The following AFF2 variants were observed in gnomAD, a reference collection of about 807,000 sequenced individuals.
The protein encoded by AFF2 is ALF transcription elongation factor 2, also known as AF4/FMR2 family member 2.
A neutral mutation model predicts 76.9 loss-of-function variants in AFF2; 14 were observed. That is an observed-to-expected ratio of 0.18 (90% confidence interval 0.12 to 0.28). The LOEUF is 0.28. AFF2 is among the 10% of genes least tolerant of loss of function. The probability of loss-of-function intolerance (pLI) is 1.00; values close to 1 mark genes in which losing one functional copy is unlikely to be tolerated. For synonymous variants in AFF2, 398 were observed against 366.7 expected (o/e 1.09, Z -0.98); for missense variants, 868 against 1,001.1 (o/e 0.87, Z 1.79).
chrX:148,805,250 C>G (rs1383860729), intron 3 of AFF2, among the ~76,000 whole-genome samples: 1 of 111,157 alleles, frequency 9.0e-6, no homozygotes, highest in Non-Finnish European at 1.9e-5. Flanking sequence ...TGCAATTAAA[C>G]TTTTGATTTT....
intron 4 of AFF2, among the ~76,000 whole-genome samples, chrX:148,832,447 C>T (rs1304689074): frequency 8.9e-6 from 1 of 112,176 alleles, no homozygotes; most frequent in East Asian, 2.8e-4. Context: ...TTATTACGTT[C>T]TTGGTATTTT....
intron 2 of AFF2, 25 bp downstream of exon 2, chrX:148,652,156 A>G: frequency 8.7e-7 from 1 of 1,143,273 alleles, no homozygotes; most frequent in Non-Finnish European, 1.2e-6. Context: ...TTTCTGGAAA[A>G]TGGTTGCTTG....
intron 3 of AFF2, among the ~76,000 whole-genome samples, chrX:148,667,154 T>G (rs1557258567): frequency 8.9e-6 from 1 of 112,237 alleles, no homozygotes; most frequent in Non-Finnish European, 1.9e-5. Context: ...TTAATAGAAA[T>G]GGTGTGGGAT....
At chrX:148,944,442 G>A (rs1272358070) in intron 9 of AFF2, among the ~76,000 whole-genome samples, 2 of 111,573 alleles carry the variant, frequency 1.8e-5, no homozygotes, top group Non-Finnish European at 3.8e-5. Flanking sequence ...AGAGGCCAGA[G>A]CTCACGGGAG....
intron 19 of AFF2, among the ~76,000 whole-genome samples, chrX:148,987,109 C>A (rs782059649): frequency 9.0e-6 from 1 of 110,741 alleles, no homozygotes; most frequent in African/African-American, 3.3e-5. Flanking sequence ...ATCTCTGTAT[C>A]CACTAGAGCC....
intron 3 of AFF2, among the ~76,000 whole-genome samples, chrX:148,742,895 T>C (rs1274922413): frequency 8.9e-6 from 1 of 111,951 alleles, no homozygotes; most frequent in Non-Finnish European, 1.9e-5. Context: ...TCAGAAATTT[T>C]ATTTGGGTTT....
chrX:148,950,648 G>A (rs904791605), intron 9 of AFF2, among the ~76,000 whole-genome samples: 1 of 111,877 alleles, frequency 8.9e-6, no homozygotes, highest in Admixed American at 9.5e-5. Flanking sequence ...AATTGACTGT[G>A]TTGGAGTCCC....
At chrX:148,981,983 GAGAA>G (rs782175072) in intron 19 of AFF2, among the ~76,000 whole-genome samples, 1 of 111,931 alleles carries the variant, frequency 8.9e-6, no homozygotes, top group African/African-American at 3.2e-5. Flanking sequence ...ACGAACAAAA[GAGAA>G]AGAGTGCTTC....
Position 148,581,263 on chromosome X carries a change from T to TATACACACATATAC in AFF2, c.48-70736_48-70735insATACACACATATAC, listed in dbSNP as rs2053380565. Reference sequence around the variant, plus strand: ...ACGTGTACACACATATACGTATACGTGTACACACATATACACGTATATACG... The same window carrying TATACACACATATAC: ...ACGTGTACACACATATACGTATACGTATACACACATATACGTACACACATATACACGTATATACG... On this transcript the variant is annotated intron_variant, in intron 1 of 20. Coordinates refer to ENST00000370460, the MANE Select transcript of AFF2 (RefSeq NM_002025.4). 1.3e-4 allele frequency among the ~76,000 whole-genome samples: 11 copies of TATACACACATATAC among 84,141 alleles called. 3 individuals are homozygous for TATACACACATATAC. The highest frequency in any genetic ancestry group is 4.6e-4 in the African/African-American group (11 of 24,142). 73.1% of individuals were successfully genotyped at this position (84,141 alleles called of 115,157 possible).
chrX:148,845,049 A>G (rs1256103497), intron 7 of AFF2, among the ~76,000 whole-genome samples: 1 of 109,823 alleles, frequency 9.1e-6, no homozygotes, highest in East Asian at 2.9e-4. Context: ...AATAGATCTA[A>G]TCCTCCCTGC....
chrX:148,915,112 A>T (rs781901946), intron 9 of AFF2, among the ~76,000 whole-genome samples: 3 of 112,603 alleles, frequency 2.7e-5, no homozygotes, highest in African/African-American at 6.5e-5. Flanking sequence ...AACAAATAGT[A>T]TCTGCTTTCT....
At chrX:148,951,165 GCA>G (rs781825506) in intron 9 of AFF2, among the ~76,000 whole-genome samples, 6 of 38,925 alleles carry the variant, frequency 1.5e-4, no homozygotes, top group South Asian at 3.6e-3. Context: ...ACACATACAC[GCA>G]CACACACACA....
At chrX:148,815,041 G>A (rs1267989181) in intron 4 of AFF2, among the ~76,000 whole-genome samples, 12 of 111,715 alleles carry the variant, frequency 1.1e-4, no homozygotes, top group Admixed American at 4.8e-4. Flanking sequence ...TCATGCAAAC[G>A]ATTTTCTATA....
At chrX:148,585,141 G>A (rs1225654048) in intron 1 of AFF2, among the ~76,000 whole-genome samples, 1 of 111,538 alleles carries the variant, frequency 9.0e-6, no homozygotes. Flanking sequence ...AATGTCTGAG[G>A]ATGAGTTAGG....
intron 15 of AFF2, among the ~76,000 whole-genome samples, chrX:148,971,730 T>C (rs1399486247): frequency 1.1e-5 from 1 of 89,417 alleles, no homozygotes; most frequent in African/African-American, 4.1e-5. Context: ...TCCTAGAAAA[T>C]ATTTTTTTTT....
chrX:148,948,131 G>A (rs1476486580), intron 9 of AFF2, among the ~76,000 whole-genome samples: 1 of 112,602 alleles, frequency 8.9e-6, no homozygotes, highest in Non-Finnish European at 1.9e-5. Flanking sequence ...GGGATTTACA[G>A]TTAAATTAGA....
intron 3 of AFF2, among the ~76,000 whole-genome samples, chrX:148,721,908 C>T (rs2055097841): frequency 9.0e-6 from 1 of 111,450 alleles, no homozygotes; most frequent in Non-Finnish European, 1.9e-5. Flanking sequence ...GTGTCGATGC[C>T]CAAATTTCCC....
intron 15 of AFF2, among the ~76,000 whole-genome samples, chrX:148,968,389 G>A (rs956933718): frequency 9.0e-6 from 1 of 111,599 alleles, no homozygotes; most frequent in African/African-American, 3.3e-5. Flanking sequence ...CCATATCCCA[G>A]ACCAATGAAA....
At chrX:148,911,795 A>T (rs1446838367) in intron 9 of AFF2, among the ~76,000 whole-genome samples, 1 of 112,478 alleles carries the variant, frequency 8.9e-6, no homozygotes, top group Admixed American at 9.4e-5. Flanking sequence ...GTGGGAGTGT[A>T]AATTAGTTCA....
Sources: gnomAD v4.1 joint callset for allele counts (sites outside exome capture counted in the v4.1 genomes callset) on GRCh38, gnomAD v4.1.1 for gene constraint, MANE v1.5 for transcripts, NCBI Gene and HGNC (gene_info 2026-07-23, HGNC 2026-07-21) for gene names.